The following PKP4 variants were observed in gnomAD, a reference collection of about 807,000 sequenced individuals.
The protein encoded by PKP4 is plakophilin-4.
A neutral mutation model predicts 145.1 loss-of-function variants in PKP4; 90 were observed. The observed-to-expected ratio is 0.62, with a 90% CI of 0.52 to 0.74. PKP4 has a LOEUF of 0.74. Among genes scored for constraint, PKP4 ranks in the 30% least tolerant of loss-of-function variants. The probability of loss-of-function intolerance (pLI) is 0.00; values close to 1 mark genes in which losing one functional copy is unlikely to be tolerated. For missense variants in PKP4, 1,340 were observed against 1,482.7 expected, an observed-to-expected ratio of 0.90 and a Z score of 1.58; for synonymous variants, 563 against 577.2, an observed-to-expected ratio of 0.98 and a Z score of 0.35.
intron 3 of PKP4, among the ~76,000 whole-genome samples, chr2:158,595,537 T>C (rs1390478900): frequency 1.3e-5 from 2 of 152,164 alleles, no homozygotes; most frequent in African/African-American, 2.4e-5. Flanking sequence ...AAGAAACTAA[T>C]GGAATATTTT....
rs2055128156 is a variant in PKP4 at position 158,649,312 on chromosome 2, C to G, written c.1909+6613C>G. Among the ~76,000 whole-genome samples the G allele has an allele frequency of 1.3e-5, 2 of 152,098 alleles. 1 individual carries two copies. Among genetic ancestry groups the G allele is most frequent in the South Asian group, 4.1e-4 (2 of 4,828 alleles). ...CTTCCCTGACCCTTCCCCTGCCTAC[C>G]CTGGCCACTGAGAAGGGCTGAACAG... On this transcript the variant is annotated intron_variant, in intron 11 of 21. Coordinates refer to ENST00000389759, the MANE Select transcript of PKP4 (RefSeq NM_003628.6).
chr2:158,457,077 G>A lies in PKP4; in HGVS notation c.-147G>A, dbSNP rs1688850874. 1 of 150,814 alleles carries A rather than the reference G, an allele frequency of 6.6e-6. No homozygotes were observed. The highest frequency in any genetic ancestry group is 1.5e-5 in the Non-Finnish European group (1 of 67,454). The allele number at this position is 150,814 out of a possible 1,614,324, so 9.3% of individuals were successfully genotyped here. A position where few individuals can be genotyped will look rare whatever the true frequency, so the allele number is the denominator to read the frequency against. On this transcript the variant is annotated 5_prime_UTR_variant, in exon 1 of 22. Coordinates refer to ENST00000389759, the MANE Select transcript of PKP4 (RefSeq NM_003628.6). The stretch of plus-strand genomic sequence containing the variant: ...GGGTGGTGGGAGAGCCGCTCCGGGG[G>A]CGGGGGCCGGTGGGGGAGGGAGGGG...
At chr2:158,588,088 A>G (rs1357107679) in intron 3 of PKP4, 3 of 152,140 alleles carry the variant, frequency 2.0e-5, no homozygotes. Context: ...TAGCCATTCC[A>G]TTGTTGAAGT....
chr2:158,600,018 G>C (rs1220834017), intron 3 of PKP4, among the ~76,000 whole-genome samples: 1 of 152,072 alleles, frequency 6.6e-6, no homozygotes, highest in Non-Finnish European at 1.5e-5. Flanking sequence ...ATTAATTTCA[G>C]GAGTATGTAG....
At chr2:158,528,669 G>GA (rs59566011) in intron 1 of PKP4, among the ~76,000 whole-genome samples, 23,616 of 85,808 alleles carry the variant, frequency 0.28, 4,480 homozygotes, top group African/African-American at 0.5. Flanking sequence ...CTTACTAAAT[G>GA]AAAAAAAAAA....
chr2:158,550,143 A>ATTCTATTACATTCTATTTAT (rs564291706), intron 2 of PKP4, among the ~76,000 whole-genome samples: 1 of 147,046 alleles, frequency 6.8e-6, no homozygotes, highest in South Asian at 2.1e-4. Flanking sequence ...TGCCAAGAAG[A>ATTCTATTACATTCTATTTAT]AGTTAAACAA....
In PKP4 at chr2:158,603,099, C is replaced by A; in HGVS notation, c.275C>A (p.Ser92Ter). 1 of 1,473,356 alleles carries A rather than the reference C, an allele frequency of 6.8e-7. No homozygotes were observed. Among genetic ancestry groups the A allele is most frequent in the Non-Finnish European group, 9.2e-7 (1 of 1,083,424 alleles). The allele number at this position is 1,473,356 out of a possible 1,614,324, so 91.3% of individuals were successfully genotyped here. The stretch of plus-strand genomic sequence containing the variant: ...ACTGAGAAGTCATTTCCTTGGAGAT[C>A]AACAGGTATGTTTTTTATTATATAA... ...SSTEKSFPWR[S>*]TDVPNTGVSK... Residue 92 changes from serine (S) to a stop codon, truncating the protein, a stop_gained, in exon 4 of 22, where the codon TCA (serine) becomes TAA (stop). Coordinates refer to ENST00000389759, the MANE Select transcript of PKP4 (RefSeq NM_003628.6). LOFTEE classifies it high-confidence loss of function.
chr2:158,595,711 G>A (rs2049667984), intron 3 of PKP4, among the ~76,000 whole-genome samples: 1 of 152,116 alleles, frequency 6.6e-6, no homozygotes, highest in African/African-American at 2.4e-5. Context: ...AGAAATTTAA[G>A]TGTTTGACAG....
At chr2:158,595,146 AAG>A (rs1337068199) in intron 3 of PKP4, among the ~76,000 whole-genome samples, 2 of 152,218 alleles carry the variant, frequency 1.3e-5, no homozygotes, top group Non-Finnish European at 2.9e-5. Flanking sequence ...TTACCTGACT[AAG>A]AGCAACAGAT....
rs575703543 is a variant in PKP4 at position 158,496,676 on chromosome 2, A to G, written c.-5-36504A>G. ...TGTGTCCCCAAAATGTTCTTATTTC[A>G]GAACAAAGCAAGCTGACTGAGAAAT... On this transcript the variant is annotated intron_variant, in intron 1 of 21. Transcript: ENST00000389759. 1.3e-3 allele frequency among the ~76,000 whole-genome samples: 205 copies of G among 152,208 alleles called. 2 individuals are homozygous for G. The highest frequency in any genetic ancestry group is 2.3e-3 in the Non-Finnish European group (158 of 68,014).
At chr2:158,492,587 G>T (rs11688897) in intron 1 of PKP4, among the ~76,000 whole-genome samples, 12,805 of 152,068 alleles carry the variant, frequency 0.084, 744 homozygotes, top group Middle Eastern at 0.22. Flanking sequence ...TGCTCCTGAG[G>T]ATACTCTTCA....
rs1279227579 is a variant in PKP4, at chr2:158,479,112, G to A, written c.-6+21894G>A. 2.0e-5 allele frequency among the ~76,000 whole-genome samples: 3 copies of A among 151,996 alleles called. No individual in the cohort carries two copies. In the East Asian group the frequency reaches 5.8e-4, roughly 29 times the overall value. Reference sequence around the variant, plus strand: ...ATTCTTTTTATTTTTCCATTAGTAGGAGTTACCTAAGTAGTATTGTTTTTT... The same window carrying A: ...ATTCTTTTTATTTTTCCATTAGTAGAAGTTACCTAAGTAGTATTGTTTTTT... On this transcript the variant is annotated intron_variant, in intron 1 of 21. Coordinates refer to ENST00000389759, the MANE Select transcript of PKP4 (RefSeq NM_003628.6).
At chr2:158,648,815 A>G (rs936576618) in intron 11 of PKP4, among the ~76,000 whole-genome samples, 15 of 152,310 alleles carry the variant, frequency 9.8e-5, no homozygotes, top group African/African-American at 3.4e-4. Context: ...CCAGGCCAAC[A>G]TGGTGAAACC....
chr2:158,633,605 GA>G (rs2053572442), intron 8 of PKP4, among the ~76,000 whole-genome samples: 3 of 152,296 alleles, frequency 2.0e-5, no homozygotes, highest in African/African-American at 7.2e-5. Flanking sequence ...TGAAACCATG[GA>G]AAGCAAAACC....
In PKP4 at chr2:158,669,809, T is replaced by G. The variant is rs757868095; in HGVS notation, c.2818T>G (p.Cys940Gly). 4 of 1,614,000 alleles carry G rather than the reference T, an allele frequency of 2.5e-6. No individual in the cohort carries two copies. ...LSDETMAAIC[C>G]ALHEVTSKNM... ...TGATGAGACCATGGCAGCCATCTGC[T>G]GTGCTCTGCACGAGGTCACCAGCAA... Residue 940 changes from cysteine (C) to glycine (G), a missense_variant, in exon 17 of 22, where the codon TGT becomes GGT. Cys to Gly is a radical substitution (Grantham distance 159). Transcript: ENST00000389759.
chr2:158,500,249 A>G (rs1696350118), intron 1 of PKP4, among the ~76,000 whole-genome samples: 2 of 152,220 alleles, frequency 1.3e-5, no homozygotes, highest in Non-Finnish European at 2.9e-5. Flanking sequence ...GTAGCAAATG[A>G]GGGCCCCAGT....
At chr2:158,614,343 T>C (rs1276682783) in intron 4 of PKP4, among the ~76,000 whole-genome samples, 1 of 152,094 alleles carries the variant, frequency 6.6e-6, no homozygotes, top group African/African-American at 2.4e-5. Flanking sequence ...AAGGCAAAAA[T>C]GGTGTGCTGG....
intron 1 of PKP4, among the ~76,000 whole-genome samples, chr2:158,508,237 C>T (rs969711633): frequency 6.6e-6 from 1 of 151,332 alleles, no homozygotes; most frequent in Admixed American, 6.6e-5. Context: ...TGGTGGCAGG[C>T]ACCTGTAATC....
chr2:158,628,171 G>C (rs1254743044), intron 7 of PKP4, among the ~76,000 whole-genome samples: 3 of 151,728 alleles, frequency 2.0e-5, no homozygotes, highest in African/African-American at 7.3e-5. Context: ...AGTAGAGACG[G>C]GTTTTCACCA....
Sources: gnomAD v4.1 joint callset for allele counts (sites outside exome capture counted in the v4.1 genomes callset) on GRCh38, gnomAD v4.1.1 for gene constraint, MANE v1.5 for transcripts, NCBI Gene and HGNC (gene_info 2026-07-23, HGNC 2026-07-21) for gene names.